USP24: variants seen among roughly 807,000 people sequenced by gnomAD.
The protein encoded by USP24 is ubiquitin specific peptidase 24.
USP24 carries 97 observed loss-of-function variants against 361.6 expected under a neutral mutation model. That is an observed-to-expected ratio of 0.27 (90% CI 0.23 to 0.32). The LOEUF (loss-of-function observed/expected upper bound fraction) is 0.32, where lower values mean the gene tolerates loss of function less well. Among genes scored for constraint, USP24 ranks in the 10% least tolerant of loss-of-function variants. USP24 has a pLI of 1.00. For synonymous variants in USP24, 1,098 were observed against 1,124.6 expected (o/e 0.98, Z 0.47); for missense variants, 2,353 against 3,165.6 (o/e 0.74, Z 6.16).
At chr1:55,173,927 G>C (rs761235893) in intron 3 of USP24, among the ~76,000 whole-genome samples, 1 of 152,172 alleles carries the variant, frequency 6.6e-6, no homozygotes, top group Non-Finnish European at 1.5e-5. Context: ...CAATCCCTCT[G>C]GCACCATTCC....
At position 55,154,369 on chromosome 1, in the gene USP24, G is replaced by A; in HGVS notation, c.1650+2C>T. 2 of 1,552,122 alleles carry A rather than the reference G, an allele frequency of 1.3e-6. No individual in the cohort carries two copies. The highest frequency in any genetic ancestry group is 1.7e-6 in the Non-Finnish European group (2 of 1,147,146). On this transcript the variant is annotated splice_donor_variant, in intron 14 of 67. Coordinates refer to ENST00000294383, the MANE Select transcript of USP24 (RefSeq NM_015306.3). LOFTEE classifies it low-confidence loss of function (GC_TO_GT_DONOR). ...CTAGAAAAATCCATTTGATTCTCCT[G>A]CCTTTCCAGAAGTGGTCTCAAAGCG...
At chr1:55,069,738 C>T (rs183232893) in intron 67 of USP24, among the ~76,000 whole-genome samples, 16 of 151,488 alleles carry the variant, frequency 1.1e-4, no homozygotes, top group Admixed American at 4.6e-4. Context: ...CAGGCACAGT[C>T]GCTTATGCCT....
At chr1:55,084,062 C>T (rs1645203141) in intron 56 of USP24, among the ~76,000 whole-genome samples, 174 bp from the exon 57 acceptor site, 2 of 152,144 alleles carry the variant, frequency 1.3e-5, no homozygotes, top group Admixed American at 1.3e-4. Context: ...ATCCATTTTA[C>T]CTTCCAGAGA....
chr1:55,154,086 TAAC>T, intron 15 of USP24, 30 bp downstream of exon 15: 1 of 1,612,388 alleles, frequency 6.2e-7, no homozygotes, highest in South Asian at 1.1e-5. Flanking sequence ...ACTGTTGCTC[TAAC>T]AACAAAATCA....
At chr1:55,104,806 G>A (rs1645728573) in intron 41 of USP24, among the ~76,000 whole-genome samples, 1 of 152,216 alleles carries the variant, frequency 6.6e-6, no homozygotes, top group Non-Finnish European at 1.5e-5. Flanking sequence ...AGCTGGCACT[G>A]TCCTTTGCTT....
Position 55,179,794 on chromosome 1 carries a change from T to C in USP24, c.325-1662A>G, listed in dbSNP as rs193059996. Among the ~76,000 whole-genome samples, 95 of 152,218 alleles carry C rather than the reference T, an allele frequency of 6.2e-4. 1 individual carries two copies. Among genetic ancestry groups the C allele is most frequent in the African/African-American group, 2.2e-3 (91 of 41,532 alleles). ...ACCTCATACATTTCTCTCCAATTCC[T>C]CTACTTCTGTCCATCTCCACAGCTA... On this transcript the variant is annotated intron_variant, in intron 1 of 67. Coordinates refer to ENST00000294383, the MANE Select transcript of USP24 (RefSeq NM_015306.3).
At chr1:55,106,395 ATGTT>A (rs1645774170) in intron 40 of USP24, 132 bp from the exon 41 acceptor site, 1 of 692,994 alleles carries the variant, frequency 1.4e-6, no homozygotes, top group Non-Finnish European at 2.5e-6. Flanking sequence ...GTTTAATTTA[ATGTT>A]TGTTTTTGGA....
intron 31 of USP24, among the ~76,000 whole-genome samples, chr1:55,131,043 C>T (rs1475703): frequency 0.65 from 99,326 of 151,980 alleles, 35,777 homozygotes; most frequent in East Asian, 0.91. Context: ...CAAGCTAGAC[C>T]CATTGTTGGA....
chr1:55,124,377 C>T, intron 35 of USP24, 92 bp downstream of exon 35: 2 of 1,446,290 alleles, frequency 1.4e-6, no homozygotes, highest in Non-Finnish European at 1.9e-6. Context: ...AAGAGGGTCT[C>T]CCATTTTTGT....
chr1:55,121,577 T>C lies in USP24; in HGVS notation c.4277-71A>G, dbSNP rs946749350. 11 of 1,301,770 alleles carry C rather than the reference T, an allele frequency of 8.5e-6. No individual in the cohort carries two copies. The Admixed American group carries it at 1.8e-4, about 21-fold the overall frequency. The allele number at this position is 1,301,770 out of a possible 1,614,324, so 80.6% of individuals were successfully genotyped here. On this transcript the variant is annotated intron_variant, in intron 36 of 67. Transcript: ENST00000294383. ...TAATGCATTTTCAAATTTTGATTAA[T>C]TTCTTAAGCTCAACTTAAGCATAAG... is the stretch of plus-strand genomic sequence containing the variant.
At chr1:55,105,517 TA>T (rs1234189554) in intron 41 of USP24, among the ~76,000 whole-genome samples, 1 of 152,220 alleles carries the variant, frequency 6.6e-6, no homozygotes, top group Non-Finnish European at 1.5e-5. Context: ...ATTACTCAAT[TA>T]ACTCTGGTTT....
chr1:55,082,407 T>C (rs750962809), intron 58 of USP24, among the ~76,000 whole-genome samples: 2 of 152,358 alleles, frequency 1.3e-5, no homozygotes, highest in South Asian at 4.1e-4. Flanking sequence ...TTATTACCAC[T>C]GCATGTTAGC....
At chr1:55,172,320 A>C (rs1649535018) in intron 4 of USP24, 57 bp downstream of exon 4, 1 of 1,443,464 alleles carries the variant, frequency 6.9e-7, no homozygotes, top group Admixed American at 2.4e-5. Flanking sequence ...GTCAGAGAAC[A>C]GCAAGTATTT....
At chr1:55,072,738 TATTATTGATTC>T (rs372316114) in intron 65 of USP24, 37 bp downstream of exon 65, 1 of 1,514,850 alleles carries the variant, frequency 6.6e-7, no homozygotes, top group African/African-American at 1.4e-5. Flanking sequence ...CAAGATGTGC[TATTATTGATTC>T]CTATGTTACA....
At chr1:55,186,436 A>T (rs1439342509) in intron 1 of USP24, among the ~76,000 whole-genome samples, 1 of 152,204 alleles carries the variant, frequency 6.6e-6, no homozygotes, top group African/African-American at 2.4e-5. Context: ...CATACCAAAA[A>T]ACTGAAAGAA....
At chr1:55,178,159 G>C in intron 1 of USP24, 27 bp from the exon 2 acceptor site, 5 of 1,436,146 alleles carry the variant, frequency 3.5e-6, no homozygotes, top group Non-Finnish European at 4.6e-6. Context: ...AAGATAAAAA[G>C]CAAATAAAAC....
At chr1:55,187,558 A>C (rs1644167531) in intron 1 of USP24, among the ~76,000 whole-genome samples, 1 of 152,212 alleles carries the variant, frequency 6.6e-6, no homozygotes, top group Non-Finnish European at 1.5e-5. Flanking sequence ...GGAATTCACC[A>C]AAATAAATAC....
chr1:55,100,110 A>G (rs1645594018), intron 44 of USP24, among the ~76,000 whole-genome samples: 1 of 152,226 alleles, frequency 6.6e-6, no homozygotes, highest in Non-Finnish European at 1.5e-5. Flanking sequence ...AGGCCATGGA[A>G]CAGAGAATTT....
chr1:55,106,436 G>A (rs1645775576), intron 40 of USP24, among the ~76,000 whole-genome samples, 173 bp from the exon 41 acceptor site: 2 of 152,132 alleles, frequency 1.3e-5, no homozygotes, highest in Admixed American at 1.3e-4. Context: ...AAAGCTTGTG[G>A]GGTAGACTAC....
Sources: allele counts gnomAD v4.1 joint callset (sites outside exome capture counted in the v4.1 genomes callset), GRCh38; gene constraint gnomAD v4.1.1; transcripts MANE v1.5; gene names NCBI Gene and HGNC (gene_info 2026-07-23, HGNC 2026-07-21).